Variants in AFAP1L2 observed in about 807,000 individuals in gnomAD.
The protein encoded by AFAP1L2 is actin filament-associated protein 1-like 2.
Under a neutral mutation model 99.3 loss-of-function variants are expected in AFAP1L2, and 46 were observed. The observed-to-expected ratio is 0.46, with a 90% CI of 0.37 to 0.59. The LOEUF (loss-of-function observed/expected upper bound fraction) is 0.59, where lower values mean the gene tolerates loss of function less well. AFAP1L2 is among the 20% of genes least tolerant of loss of function. The probability of loss-of-function intolerance (pLI) is 0.00; values close to 1 mark genes in which losing one functional copy is unlikely to be tolerated. For synonymous variants in AFAP1L2, 397 were observed against 419.1 expected, an observed-to-expected ratio of 0.95 and a Z score of 0.64; for missense variants, 959 against 1,034.9, an observed-to-expected ratio of 0.93 and a Z score of 1.01.
the AFAP1L2 span, chr10:114,282,516 C>CT: frequency 6.2e-7 from 1 of 1,613,644 alleles, no homozygotes; most frequent in East Asian, 2.2e-5. Flanking sequence ...TGGATTGTAG[C>CT]TGGAAGAGAG....
intron 7 of AFAP1L2, among the ~76,000 whole-genome samples, chr10:114,311,259 G>A (rs2043195715): frequency 6.6e-6 from 1 of 152,164 alleles, no homozygotes; most frequent in African/African-American, 2.4e-5. Context: ...CATTGCCTCA[G>A]TCTGAGCCAG....
At chr10:114,311,874 A>C (rs1477371843) in intron 7 of AFAP1L2, among the ~76,000 whole-genome samples, 1 of 152,238 alleles carries the variant, frequency 6.6e-6, no homozygotes, top group Non-Finnish European at 1.5e-5. Context: ...ACAGAGGTCC[A>C]AGGAAGGTAG....
chr10:114,379,996 G>A (rs757151656), intron 1 of AFAP1L2, among the ~76,000 whole-genome samples: 2 of 152,172 alleles, frequency 1.3e-5, no homozygotes, highest in Non-Finnish European at 2.9e-5. Context: ...CAGGGGCGGG[G>A]GAATCCCAAA....
At position 114,300,442 on chromosome 10, in the gene AFAP1L2, T is replaced by A; in HGVS notation, c.1788+3A>T. 1 of 1,613,048 alleles carries A rather than the reference T, an allele frequency of 6.2e-7. No individual in the cohort carries two copies. Among genetic ancestry groups the A allele is most frequent in the East Asian group, 2.2e-5 (1 of 44,850 alleles). Reference sequence around the variant, plus strand: ...CTTGCTGTCCTGCAGGGGAGGCCTGTACCTGTTCTCCCAGGTTCTCTGGAC... The same window carrying A: ...CTTGCTGTCCTGCAGGGGAGGCCTGAACCTGTTCTCCCAGGTTCTCTGGAC... On this transcript the variant is annotated splice_donor_region_variant and intron_variant, in intron 14 of 18. Transcript: ENST00000304129.
chr10:114,288,884 G>C, the AFAP1L2 span: 5 of 1,550,510 alleles, frequency 3.2e-6, no homozygotes, highest in Non-Finnish European at 4.4e-6. Context: ...GGGTCCCGTC[G>C]AGGGGCTCTG....
chr10:114,294,088 T>G (rs745360810), downstream of AFAP1L2, among the ~76,000 whole-genome samples: 1 of 152,216 alleles, frequency 6.6e-6, no homozygotes, highest in Non-Finnish European at 1.5e-5. Context: ...TATCCATTTG[T>G]GTATTTTCAA....
intron 5 of AFAP1L2, among the ~76,000 whole-genome samples, chr10:114,321,396 G>A (rs542313074): frequency 2.0e-5 from 3 of 152,228 alleles, no homozygotes; most frequent in Admixed American, 1.3e-4. Flanking sequence ...TAGAATAATG[G>A]CCTCTAGCTC....
intron 10 of AFAP1L2, among the ~76,000 whole-genome samples, chr10:114,305,549 G>A (rs1159790092): frequency 2.8e-4 from 40 of 144,402 alleles, no homozygotes; most frequent in Non-Finnish European, 1.8e-4. Flanking sequence ...GGGGCTGCAG[G>A]AGGGGACACA....
intron 1 of AFAP1L2, among the ~76,000 whole-genome samples, chr10:114,353,444 T>C (rs746276317): frequency 9.9e-5 from 15 of 152,216 alleles, no homozygotes; most frequent in Non-Finnish European, 1.8e-4. Flanking sequence ...TAGCACATTG[T>C]TGGACCCCAA....
At chr10:114,388,880 A>G (rs1343576422) in intron 1 of AFAP1L2, among the ~76,000 whole-genome samples, 1 of 152,200 alleles carries the variant, frequency 6.6e-6, no homozygotes, top group Non-Finnish European at 1.5e-5. Flanking sequence ...AGGTTCAGAG[A>G]CATGGGCAGA....
At chr10:114,399,546 C>T (rs1181629199) in intron 1 of AFAP1L2, among the ~76,000 whole-genome samples, 1 of 152,196 alleles carries the variant, frequency 6.6e-6, no homozygotes, top group Non-Finnish European at 1.5e-5. Flanking sequence ...CTATTTCTGA[C>T]TGTCTGGACT....
chr10:114,301,565 T>C, intron 12 of AFAP1L2, 100 bp from the exon 13 acceptor site: 2 of 854,020 alleles, frequency 2.3e-6, no homozygotes, highest in South Asian at 2.9e-5. Context: ...GCCGTGAAAG[T>C]GGTGGCCACA....
At chr10:114,337,956 T>C (rs547659975) in intron 2 of AFAP1L2, among the ~76,000 whole-genome samples, 112 of 152,324 alleles carry the variant, frequency 7.4e-4, no homozygotes, top group Non-Finnish European at 7.9e-4. Flanking sequence ...GCTGCTTTGA[T>C]GTGCTGTTGA....
At chr10:114,288,828 C>A in the AFAP1L2 span, 1 of 1,133,594 alleles carries the variant, frequency 8.8e-7, no homozygotes, top group Non-Finnish European at 1.3e-6. Context: ...CTGCAGTGAA[C>A]AGAGCACCCT....
chr10:114,394,166 G>T (rs1565089694), intron 1 of AFAP1L2, among the ~76,000 whole-genome samples: 2 of 152,168 alleles, frequency 1.3e-5, no homozygotes, highest in South Asian at 2.1e-4. Context: ...AAGCCCCAGG[G>T]TTAGCAAATA....
rs539130757 is a variant in AFAP1L2 at position 114,328,104 on chromosome 10, C to T, written c.315+3699G>A. Reference sequence around the variant, plus strand: ...ACATCTGTTTCTCCTGCAAGGACCACGGCACCTGGCTGTGCAGACAGCAGC... The same window carrying T: ...ACATCTGTTTCTCCTGCAAGGACCATGGCACCTGGCTGTGCAGACAGCAGC... On this transcript the variant is annotated intron_variant, in intron 4 of 18. Coordinates refer to ENST00000304129, the MANE Select transcript of AFAP1L2 (RefSeq NM_001001936.3). 4.6e-3 allele frequency among the ~76,000 whole-genome samples: 703 copies of T among 152,336 alleles called. 3 individuals carry two copies. The highest frequency in any genetic ancestry group is 6.5e-3 in the African/African-American group (270 of 41,590).
chr10:114,296,284 T>A, intron 18 of AFAP1L2: 1 of 584,458 alleles, frequency 1.7e-6, no homozygotes, highest in South Asian at 2.2e-5. Context: ...ATAAGTGATG[T>A]CTCTCACAGC....
chr10:114,319,107 T>A (rs1255760021), intron 5 of AFAP1L2, among the ~76,000 whole-genome samples: 6 of 152,082 alleles, frequency 3.9e-5, no homozygotes, highest in Admixed American at 3.9e-4. Context: ...TGAGCCAAGA[T>A]CATGCCACTG....
intron 4 of AFAP1L2, among the ~76,000 whole-genome samples, chr10:114,330,230 C>G (rs2047035026): frequency 6.6e-6 from 1 of 152,186 alleles, no homozygotes. Context: ...AATGAAGGGG[C>G]CAGTCCAGAG....
Sources: allele counts gnomAD v4.1 joint callset (sites outside exome capture counted in the v4.1 genomes callset), GRCh38; gene constraint gnomAD v4.1.1; transcripts MANE v1.5; gene names NCBI Gene and HGNC (gene_info 2026-07-23, HGNC 2026-07-21).